Variants in DGKI observed in about 807,000 individuals in gnomAD.
The protein encoded by DGKI is DAG kinase iota.
DGKI carries 55 observed loss-of-function variants against 147.5 expected under a neutral mutation model. The ratio of observed to expected loss-of-function variants is 0.37; its 90% confidence interval spans 0.30 to 0.47. The LOEUF (loss-of-function observed/expected upper bound fraction) is 0.47. Ranked by LOEUF, DGKI falls within the 20% of genes least tolerant of loss-of-function variation. DGKI has a pLI of 1.00. For synonymous variants in DGKI, 469 were observed against 477.1 expected, an observed-to-expected ratio of 0.98 and a Z score of 0.22; for missense variants, 1,007 against 1,323.8, an observed-to-expected ratio of 0.76 and a Z score of 3.71.
intron 27 of DGKI, among the ~76,000 whole-genome samples, chr7:137,451,027 A>G (rs1231956244): frequency 2.6e-5 from 4 of 152,236 alleles, no homozygotes; most frequent in Non-Finnish European, 5.9e-5. Flanking sequence ...GGTAAAAATT[A>G]AAATATTTTC....
At chr7:137,697,099 C>A (rs1823816614) in intron 1 of DGKI, among the ~76,000 whole-genome samples, 1 of 152,184 alleles carries the variant, frequency 6.6e-6, no homozygotes, top group Non-Finnish European at 1.5e-5. Flanking sequence ...AGACTTTCAG[C>A]CTCCAGAACT....
intron 23 of DGKI, among the ~76,000 whole-genome samples, chr7:137,475,251 C>G (rs530224843): frequency 1.3e-5 from 2 of 152,232 alleles, no homozygotes; most frequent in African/African-American, 4.8e-5. Context: ...TATGAGTGAA[C>G]ACAAAACAGA....
At position 137,846,883 on chromosome 7, in the gene DGKI, G is replaced by A; in HGVS notation, c.-21C>T. 3.4e-6 allele frequency: 4 copies of A among 1,160,656 alleles called. No individual in the cohort carries two copies. The highest frequency in any genetic ancestry group is 4.3e-6 in the Non-Finnish European group (4 of 940,960). The allele number at this position is 1,160,656 out of a possible 1,614,324, so 71.9% of individuals were successfully genotyped here. A position where few individuals can be genotyped will look rare whatever the true frequency, so the allele number is the denominator to read the frequency against. On this transcript the variant is annotated 5_prime_UTR_variant, in exon 1 of 33. Transcript: ENST00000614521. This position sits in a 1 kb window ranked among gnomAD's most constrained non-coding sequence, Gnocchi z 4.0. ...TCCATCCGCGGCTGCACCGCACCGG[G>A]GCATTGTGGGAAACTCCGCTCACTC...
chr7:137,551,280 ATGTGCCAC>A (rs1818035896), intron 20 of DGKI, among the ~76,000 whole-genome samples: 1 of 152,138 alleles, frequency 6.6e-6, no homozygotes, highest in African/African-American at 2.4e-5. Context: ...CTCAACCAAC[ATGTGCCAC>A]CACAGAGAGA....
intron 28 of DGKI, among the ~76,000 whole-genome samples, chr7:137,430,515 T>C (rs1813025216): frequency 6.6e-6 from 1 of 151,796 alleles, no homozygotes; most frequent in Non-Finnish European, 1.5e-5. Flanking sequence ...GTAACTAACC[T>C]GCACATTGTG....
At chr7:137,570,578 T>C (rs1374601778) in intron 19 of DGKI, among the ~76,000 whole-genome samples, 1 of 150,900 alleles carries the variant, frequency 6.6e-6, no homozygotes, top group African/African-American at 2.5e-5. Context: ...AATGCTGGGA[T>C]GTTTCTATAG....
Position 137,500,768 on chromosome 7 carries a change from T to A in DGKI, c.2249-13079A>T, listed in dbSNP as rs559399996. 2.6e-5 allele frequency among the ~76,000 whole-genome samples: 4 copies of A among 152,290 alleles called. No individual in the cohort carries two copies. The East Asian group carries it at 7.7e-4, about 29-fold the overall frequency. ...GATACATAATAATTTTACACGTTTA[T>A]GGGGTACATGTGATATTTTGATATG... On this transcript the variant is annotated intron_variant, in intron 21 of 32. Transcript: ENST00000614521.
At chr7:137,511,948 GT>G (rs1453109973) in intron 21 of DGKI, among the ~76,000 whole-genome samples, 1 of 152,160 alleles carries the variant, frequency 6.6e-6, no homozygotes, top group Admixed American at 6.5e-5. Flanking sequence ...AAAGGTCCCT[GT>G]GGGAGTCCTC....
chr7:137,767,239 T>G (rs1378900931), intron 1 of DGKI, among the ~76,000 whole-genome samples: 1 of 152,030 alleles, frequency 6.6e-6, no homozygotes, highest in Non-Finnish European at 1.5e-5. Flanking sequence ...AGTACTCAAT[T>G]AGGAAGAAAG....
intron 14 of DGKI, among the ~76,000 whole-genome samples, chr7:137,584,031 T>A (rs901725343): frequency 6.6e-6 from 1 of 152,170 alleles, no homozygotes; most frequent in African/African-American, 2.4e-5. Flanking sequence ...ATATATGTAA[T>A]TAAATTGATC....
intron 1 of DGKI, among the ~76,000 whole-genome samples, chr7:137,815,154 T>C (rs1797702957): frequency 6.6e-6 from 1 of 152,236 alleles, no homozygotes; most frequent in South Asian, 2.1e-4. Context: ...TTCTAGAACC[T>C]GAATTCCTTC....
chr7:137,552,565 C>T lies in DGKI; in HGVS notation c.1951G>A (p.Ala651Thr). 4.3e-6 allele frequency: 7 copies of T among 1,613,850 alleles called. No homozygotes were observed. Among genetic ancestry groups the T allele is most frequent in the Non-Finnish European group, 5.1e-6 (6 of 1,179,922 alleles). ...VIGFTMASLA[A>T]LQVGGHGERL... ...TCTCCATGGCCCCCAACTTGCAGGG[C>T]TGCCTATAAAAACAAGAGTCAAAGG... Residue 651 changes from alanine to threonine, a missense_variant, in exon 20 of 33, where the codon GCC (alanine) becomes ACC (threonine). By Grantham distance (58) the Ala-to-Thr change is moderately conservative. Coordinates refer to ENST00000614521, the MANE Select transcript of DGKI (RefSeq NM_001321708.2).
At chr7:137,784,451 A>C (rs1447964707) in intron 1 of DGKI, among the ~76,000 whole-genome samples, 1 of 152,148 alleles carries the variant, frequency 6.6e-6, no homozygotes, top group Admixed American at 6.5e-5. Context: ...TGCACCTAAC[A>C]CTGGAGCTCC....
chr7:137,406,120 A>T (rs571235021), intron 30 of DGKI, among the ~76,000 whole-genome samples: 1 of 152,168 alleles, frequency 6.6e-6, no homozygotes, highest in Non-Finnish European at 1.5e-5. Context: ...CAAGCATTCA[A>T]TCTCTTGGGT....
chr7:137,459,969 T>C (rs895680418), intron 27 of DGKI, among the ~76,000 whole-genome samples: 1 of 152,204 alleles, frequency 6.6e-6, no homozygotes, highest in Non-Finnish European at 1.5e-5. Context: ...CCTAACGTAC[T>C]ATGAATACTA....
At chr7:137,531,768 T>A (rs834082) in intron 20 of DGKI, among the ~76,000 whole-genome samples, 3 of 152,094 alleles carry the variant, frequency 2.0e-5, no homozygotes, top group Non-Finnish European at 2.9e-5. Context: ...TAAAAAAGGG[T>A]GTGGATGAAG....
intron 7 of DGKI, 81 bp from the exon 8 acceptor site, chr7:137,620,021 A>G (rs1353681905): frequency 1.9e-4 from 84 of 437,456 alleles, no homozygotes; most frequent in South Asian, 1.5e-3. Context: ...GTACACACGC[A>G]CACACACACA....
chr7:137,640,963 G>T (rs1049226422), intron 6 of DGKI, among the ~76,000 whole-genome samples: 13 of 152,134 alleles, frequency 8.5e-5, no homozygotes, highest in African/African-American at 2.7e-4. Flanking sequence ...GATATGGTTT[G>T]GCTGTGTCCC....
In DGKI at chr7:137,792,162, G is replaced by A. The variant is rs181043041; in HGVS notation, c.401+54300C>T. On this transcript the variant is annotated intron_variant, in intron 1 of 32. Transcript: ENST00000614521. ...CTATGAAACACAGACAGGGGGAGCC[G>A]GCTTCCAAGAATCACAAGCATAGAG... 1.1e-4 allele frequency among the ~76,000 whole-genome samples: 17 copies of A among 152,196 alleles called. No homozygotes were observed. In the East Asian group the frequency reaches 1.2e-3, roughly 10 times the overall value.
Sources: allele counts gnomAD v4.1 joint callset (sites outside exome capture counted in the v4.1 genomes callset), GRCh38; gene constraint gnomAD v4.1.1; non-coding constraint Gnocchi (gnomAD v3.1); transcripts MANE v1.5; gene names NCBI Gene and HGNC (gene_info 2026-07-23, HGNC 2026-07-21).